Variants in BBS5 observed in about 807,000 individuals in gnomAD.
BBS5 encodes BBSome complex member BBS5.
Under a neutral mutation model 50.2 loss-of-function variants are expected in BBS5, and 39 were observed. The observed-to-expected ratio is 0.78, with a 90% CI of 0.60 to 1.01. The LOEUF is 1.01. Ranked by LOEUF, BBS5 falls within the 50% of genes least tolerant of loss-of-function variation. The pLI is 0.00. For synonymous variants in BBS5, 134 were observed against 133.1 expected (o/e 1.01, Z -0.05); for missense variants, 356 against 401.5 (o/e 0.89, Z 0.97).
In BBS5 at chr2:169,505,165, C is replaced by G. The variant is rs866265072; in HGVS notation, c.*583C>G. ...GGAGACGGGGTTTCGCTGTGTTGGC[C>G]GGGCTGGTCTCCAGCTCCTAACCGC... On this transcript the variant is annotated 3_prime_UTR_variant, in exon 12 of 12. Transcript: ENST00000295240. The G allele has an allele frequency of 8.1e-5, 50 of 614,628 alleles. 1 individual carries two copies. The highest frequency in any genetic ancestry group is 6.8e-4 in the South Asian group (38 of 56,158). The allele number at this position is 614,628 out of a possible 1,614,324, so 38.1% of individuals were successfully genotyped here.
At position 169,493,962 on chromosome 2, in the gene BBS5, C is replaced by T. The variant is rs1683649491; in HGVS notation, c.618+126C>T. The T allele has an allele frequency of 2.3e-5, 15 of 646,988 alleles. No homozygotes were observed. The South Asian group carries it at 2.5e-4, about 11-fold the overall frequency. The allele number at this position is 646,988 out of a possible 1,614,324, so 40.1% of individuals were successfully genotyped here. On this transcript the variant is annotated intron_variant, in intron 7 of 11. Coordinates refer to ENST00000295240, the MANE Select transcript of BBS5 (RefSeq NM_152384.3). ...AGTGGTAGCAGTTATTAGCTGAGAG[C>T]ATATTTTAAAGATGCTGATAATTTA... is the stretch of plus-strand genomic sequence containing the variant.
intron 1 of BBS5, 82 bp from the exon 2 acceptor site, chr2:169,482,169 A>G: frequency 1.2e-6 from 1 of 864,364 alleles, no homozygotes; most frequent in Non-Finnish European, 2.0e-6. Flanking sequence ...TGTTTTATGT[A>G]CATATGTCTC....
chr2:169,487,567 G>T (rs988720589), intron 3 of BBS5, among the ~76,000 whole-genome samples: 1 of 151,900 alleles, frequency 6.6e-6, no homozygotes, highest in African/African-American at 2.4e-5. Flanking sequence ...AGGCTTTAGG[G>T]ATGAAGACTT....
Position 169,504,862 on chromosome 2 carries a change from C to G in BBS5, c.*280C>G, listed in dbSNP as rs1419407609. 1.2e-6 allele frequency: 2 copies of G among 1,612,574 alleles called. No individual in the cohort carries two copies. Among genetic ancestry groups the G allele is most frequent in the East Asian group, 4.5e-5 (2 of 44,842 alleles). On this transcript the variant is annotated 3_prime_UTR_variant, in exon 12 of 12. Coordinates refer to ENST00000295240, the MANE Select transcript of BBS5 (RefSeq NM_152384.3). ...GCTGGATTCCTCAGGCCCGGGCGCT[C>G]CTACAGCAGTGCCTGCACGCCCGGC...
At chr2:169,499,302 GC>G in intron 8 of BBS5, 183 bp from the exon 9 acceptor site, 1 of 572,878 alleles carries the variant, frequency 1.7e-6, no homozygotes, top group Middle Eastern at 4.8e-4. Flanking sequence ...CTCCGTGGAG[GC>G]CCCCTTGTGC....
chr2:169,485,239 G>T (rs904095999), intron 2 of BBS5, among the ~76,000 whole-genome samples: 1 of 152,170 alleles, frequency 6.6e-6, no homozygotes, highest in Non-Finnish European at 1.5e-5. Flanking sequence ...AAATGAGTTT[G>T]CAAAGGATTA....
chr2:169,491,776 T>C (rs1299847816), intron 5 of BBS5, among the ~76,000 whole-genome samples: 2 of 152,166 alleles, frequency 1.3e-5, no homozygotes, highest in Admixed American at 1.3e-4. Flanking sequence ...ATGAGCATGT[T>C]TTCAGGTTGC....
rs529248488 is a variant in BBS5 at position 169,502,359 on chromosome 2, A to C, written c.817-736A>C. On this transcript the variant is annotated intron_variant, in intron 9 of 11. Coordinates refer to ENST00000295240, the MANE Select transcript of BBS5 (RefSeq NM_152384.3). Reference sequence around the variant, plus strand: ...AGTTAATTTACTTGCACATAGTCACACAACTCTGAGCGTGGTTGAAACACT... The same window carrying C: ...AGTTAATTTACTTGCACATAGTCACCCAACTCTGAGCGTGGTTGAAACACT... 3.9e-5 allele frequency among the ~76,000 whole-genome samples: 6 copies of C among 152,352 alleles called. No individual in the cohort carries two copies. The East Asian group carries it at 1.2e-3, about 29-fold the overall frequency.
intron 9 of BBS5, among the ~76,000 whole-genome samples, chr2:169,502,832 G>GT (rs1683834547): frequency 6.6e-6 from 1 of 152,152 alleles, no homozygotes; most frequent in South Asian, 2.1e-4. Flanking sequence ...TCAAGTCAGA[G>GT]TTTTTTCTTT....
In BBS5 at chr2:169,504,976, A is replaced by C; in HGVS notation, c.*394A>C. The C allele has an allele frequency of 8.7e-6, 14 of 1,612,882 alleles. No homozygotes were observed. Among genetic ancestry groups the C allele is most frequent in the Non-Finnish European group, 1.2e-5 (14 of 1,179,810 alleles). On this transcript the variant is annotated 3_prime_UTR_variant, in exon 12 of 12. Coordinates refer to ENST00000295240, the MANE Select transcript of BBS5 (RefSeq NM_152384.3). The stretch of plus-strand genomic sequence containing the variant: ...TGATCTACGTGTGCTTTTTCAAGGG[A>C]GCTGATAAAGAACTTCTTCCCAAAA...
chr2:169,487,918 T>A, intron 4 of BBS5, 63 bp downstream of exon 4: 3 of 1,590,978 alleles, frequency 1.9e-6, no homozygotes, highest in Non-Finnish European at 1.7e-6. Context: ...TTGAGATTGA[T>A]GTTTGTTTTC....
At chr2:169,485,986 G>A (rs1015497103) in intron 2 of BBS5, among the ~76,000 whole-genome samples, 23 of 152,144 alleles carry the variant, frequency 1.5e-4, no homozygotes, top group Non-Finnish European at 2.8e-4. Flanking sequence ...TCTGTTTTCC[G>A]TTGGACCAAT....
chr2:169,491,278 T>TAA (rs1410842226), intron 5 of BBS5, among the ~76,000 whole-genome samples: 3 of 152,202 alleles, frequency 2.0e-5, no homozygotes, highest in Non-Finnish European at 4.4e-5. Flanking sequence ...TTAATAGTAT[T>TAA]AAAAACACTA....
chr2:169,492,771 T>G, intron 5 of BBS5, 103 bp from the exon 6 acceptor site: 1 of 963,610 alleles, frequency 1.0e-6, no homozygotes, highest in Non-Finnish European at 1.6e-6. Context: ...ATTATTTGAG[T>G]AATGTTCATA....
At chr2:169,486,202 T>G (rs1325037014) in intron 2 of BBS5, among the ~76,000 whole-genome samples, 2 of 152,204 alleles carry the variant, frequency 1.3e-5, no homozygotes, top group Non-Finnish European at 2.9e-5. Flanking sequence ...TTTTAGACAT[T>G]ATAGAGGTTT....
At chr2:169,486,777 C>G (rs977002101) in intron 2 of BBS5, among the ~76,000 whole-genome samples, 1 of 151,964 alleles carries the variant, frequency 6.6e-6, no homozygotes, top group Non-Finnish European at 1.5e-5. Flanking sequence ...TCTACCAAGA[C>G]AAAAAAACTA....
In BBS5 at chr2:169,505,300, C is replaced by G. The variant is rs905302052; in HGVS notation, c.*718C>G. 1.3e-5 allele frequency: 5 copies of G among 384,920 alleles called. No homozygotes were observed. Among genetic ancestry groups the G allele is most frequent in the East Asian group, 1.3e-4 (2 of 14,858 alleles). 23.8% of individuals were successfully genotyped at this position (384,920 alleles called of 1,614,324 possible). A position where few individuals can be genotyped will look rare whatever the true frequency, so the allele number is the denominator to read the frequency against. On this transcript the variant is annotated 3_prime_UTR_variant, in exon 12 of 12. Transcript: ENST00000295240. ...GGAGTGCAGTGGCGTGATCTCCGCT[C>G]GCTACAACCTCCACCTCCCAGCTGC...
In BBS5 at chr2:169,497,633, A is replaced by T; in HGVS notation, c.625A>T (p.Ile209Leu). ...VSIPYLQIRS[I>L]KIRDSKFGLA... ...TTTTTCATTTTGTATCTAGCGTTCAATAAAGATTAGAGATTCAAAATTTGG... is the reference window on the plus strand; with the variant it reads ...TTTTTCATTTTGTATCTAGCGTTCATTAAAGATTAGAGATTCAAAATTTGG... The change falls in exon 8 of 12, where the codon ATA (isoleucine) becomes TTA (leucine). Residue 209 changes from isoleucine (I) to leucine (L), a missense_variant. Physicochemically the swap from Ile to Leu is conservative, Grantham distance 5. Transcript: ENST00000295240. 3 of 1,586,030 alleles carry T rather than the reference A, an allele frequency of 1.9e-6. No individual in the cohort carries two copies. Among genetic ancestry groups the T allele is most frequent in the Non-Finnish European group, 2.6e-6 (3 of 1,154,920 alleles).
rs72885849 is a variant in BBS5 at position 169,504,255 on chromosome 2, G to C, written c.901-48G>C. 148,465 of 1,555,378 alleles carry C rather than the reference G, an allele frequency of 0.095. 8,170 individuals are homozygous for C. Among genetic ancestry groups the C allele is most frequent in the Non-Finnish European group, 0.11 (126,197 of 1,127,070 alleles). On this transcript the variant is annotated intron_variant, in intron 10 of 11. Transcript: ENST00000295240. ...AGTTCCTTAGCCCACTGATCTATTC[G>C]AATATTATATGTCCAGTTTGTGAAA...
Sources: gnomAD v4.1 joint callset for allele counts (sites outside exome capture counted in the v4.1 genomes callset) on GRCh38, gnomAD v4.1.1 for gene constraint, MANE v1.5 for transcripts, NCBI Gene and HGNC (gene_info 2026-07-23, HGNC 2026-07-21) for gene names.